Variants in BCAS3 observed in about 807,000 individuals in gnomAD.
The protein encoded by BCAS3 is BCAS4/BCAS3 fusion.
In BCAS3, 53 loss-of-function variants were observed where a neutral mutation model predicts 116.1. The observed-to-expected ratio is 0.46, with a 90% CI of 0.37 to 0.57. The LOEUF is 0.57. BCAS3 is among the 20% of genes least tolerant of loss of function. BCAS3 has a pLI of 0.00. For synonymous variants in BCAS3, 391 were observed against 408.2 expected (o/e 0.96, Z 0.51); for missense variants, 917 against 1,165.4 (o/e 0.79, Z 3.10).
At position 60,679,610 on chromosome 17, in the gene BCAS3, T is replaced by C. The variant is rs148962787; in HGVS notation, c.83+70T>C. ...TCAGAATACTAACATTTAGGTTTTC[T>C]TTATGAACAGTGGTTACTTTTGTAA... On this transcript the variant is annotated intron_variant, in intron 2 of 23. Transcript: ENST00000407086. 152 of 1,261,028 alleles carry C rather than the reference T, an allele frequency of 1.2e-4. No individual in the cohort carries two copies. The East Asian group carries it at 2.9e-3, about 24-fold the overall frequency. 78.1% of individuals were successfully genotyped at this position (1,261,028 alleles called of 1,614,324 possible).
chr17:60,929,307 C>T (rs762905529), intron 13 of BCAS3, among the ~76,000 whole-genome samples: 118 of 152,034 alleles, frequency 7.8e-4, no homozygotes, highest in Admixed American at 1.4e-3. Context: ...TGCCTGTAGT[C>T]CCAGCTACTT....
intron 6 of BCAS3, among the ~76,000 whole-genome samples, chr17:60,789,597 C>T (rs572524842): frequency 6.6e-6 from 1 of 152,288 alleles, no homozygotes. Flanking sequence ...ATGGATTTGG[C>T]TAGCCGCTTT....
intron 19 of BCAS3, among the ~76,000 whole-genome samples, chr17:61,064,604 G>A (rs901298410): frequency 1.3e-5 from 2 of 152,100 alleles, no homozygotes; most frequent in African/African-American, 2.4e-5. Flanking sequence ...AAGGAGATGG[G>A]GAGAAAAGAT....
chr17:60,733,807 A>G (rs1034083152), intron 5 of BCAS3, among the ~76,000 whole-genome samples: 2 of 152,196 alleles, frequency 1.3e-5, no homozygotes, highest in African/African-American at 4.8e-5. Context: ...TGATCACGCC[A>G]CTGCACTCCA....
intron 22 of BCAS3, among the ~76,000 whole-genome samples, chr17:61,236,319 T>C (rs1054867156): frequency 2.6e-5 from 4 of 152,212 alleles, no homozygotes; most frequent in Admixed American, 2.0e-4. Context: ...TTCGTTACTT[T>C]AACAACATTT....
At chr17:60,854,683 A>C (rs2053498561) in intron 7 of BCAS3, among the ~76,000 whole-genome samples, 1 of 152,206 alleles carries the variant, frequency 6.6e-6, no homozygotes. Flanking sequence ...ATCATTAAAA[A>C]GTCAGGAAAC....
At chr17:60,795,451 A>T (rs905958346) in intron 6 of BCAS3, among the ~76,000 whole-genome samples, 4 of 152,048 alleles carry the variant, frequency 2.6e-5, no homozygotes, top group African/African-American at 9.7e-5. Context: ...TTCCAGTACT[A>T]TGTTGAAGAG....
intron 22 of BCAS3, among the ~76,000 whole-genome samples, chr17:61,117,339 T>C (rs1003625552): frequency 6.6e-6 from 1 of 152,206 alleles, no homozygotes; most frequent in Non-Finnish European, 1.5e-5. Flanking sequence ...ACACTTGTAA[T>C]CCAAGCACTC....
intron 8 of BCAS3, 125 bp downstream of exon 8, chr17:60,868,808 G>T: frequency 1.9e-6 from 1 of 535,522 alleles, no homozygotes. Context: ...AACACCTTCT[G>T]AATTCTGTTC....
chr17:60,863,403 T>A (rs1035974752), intron 7 of BCAS3, among the ~76,000 whole-genome samples: 2 of 152,064 alleles, frequency 1.3e-5, no homozygotes, highest in African/African-American at 4.8e-5. Context: ...ATAAGGCAAA[T>A]TCCATAATAA....
chr17:61,368,763 C>G lies in BCAS3; in HGVS notation c.2593+269C>G, dbSNP rs554342107. The stretch of plus-strand genomic sequence containing the variant: ...TGTGCAAGTGGCTCCCAGAAGGACA[C>G]TTTCCTCCTTTGGGGGTGTCCCCAC... On this transcript the variant is annotated intron_variant, in intron 23 of 23. Transcript: ENST00000407086. This position sits in a 1 kb window ranked among gnomAD's most constrained non-coding sequence, Gnocchi z 6.0. 2.2e-4 allele frequency among the ~76,000 whole-genome samples: 34 copies of G among 152,360 alleles called. No homozygotes were observed. The South Asian group carries it at 5.0e-3, about 22-fold the overall frequency.
intron 5 of BCAS3, chr17:60,727,522 G>A: frequency 7.3e-7 from 1 of 1,377,090 alleles, no homozygotes; most frequent in South Asian, 1.7e-5. Context: ...ATGAAAACGA[G>A]AAATGGCATC....
chr17:60,803,693 T>C (rs1399558856), intron 6 of BCAS3, among the ~76,000 whole-genome samples: 2 of 152,040 alleles, frequency 1.3e-5, no homozygotes, highest in African/African-American at 4.8e-5. Flanking sequence ...GGGAAATTTA[T>C]ATATTCACAT....
intron 15 of BCAS3, among the ~76,000 whole-genome samples, chr17:61,009,157 A>G (rs548110705): frequency 5.3e-5 from 8 of 152,172 alleles, no homozygotes; most frequent in African/African-American, 1.9e-4. Context: ...TGTGGTAAGA[A>G]TAAGTGGGAT....
chr17:61,141,050 A>ATTCACCTGTACAGCGGGACTAGGCTGG lies in BCAS3; in HGVS notation c.2425+56491_2425+56517dup. On this transcript the variant is annotated intron_variant, in intron 22 of 23. Coordinates refer to ENST00000407086, the MANE Select transcript of BCAS3 (RefSeq NM_017679.5). The surrounding 1 kb of genome is among the most constrained non-coding windows in gnomAD (Gnocchi z 4.3). ...TTCATTATCATGTCTCTTTATCCTG[A>ATTCACCTGTACAGCGGGACTAGGCTGG]TTCACCTGTACAGCGGGACTAGGCT... Among the ~76,000 whole-genome samples the ATTCACCTGTACAGCGGGACTAGGCTGG allele has an allele frequency of 6.6e-6, 1 of 151,882 alleles. No individual in the cohort carries two copies. The highest frequency in any genetic ancestry group is 1.5e-5 in the Non-Finnish European group (1 of 67,976).
At chr17:61,271,124 CTTTTTTTTTT>C (rs1198682844) in intron 22 of BCAS3, among the ~76,000 whole-genome samples, 19 of 107,126 alleles carry the variant, frequency 1.8e-4, no homozygotes, top group Non-Finnish European at 2.5e-4. Flanking sequence ...AACTTTTATT[CTTTTTTTTTT>C]TTTTTTTTTT....
At chr17:60,792,290 G>A (rs1235969723) in intron 6 of BCAS3, among the ~76,000 whole-genome samples, 2 of 152,228 alleles carry the variant, frequency 1.3e-5, no homozygotes, top group Non-Finnish European at 2.9e-5. Flanking sequence ...AGTTGGCAGG[G>A]CAGGAGCTTC....
At chr17:60,783,552 G>T (rs145089304) in intron 6 of BCAS3, among the ~76,000 whole-genome samples, 1 of 152,182 alleles carries the variant, frequency 6.6e-6, no homozygotes, top group East Asian at 1.9e-4. Flanking sequence ...GTGTGGCAGG[G>T]GCTATGTGAG....
chr17:61,268,915 T>C (rs558105021), intron 22 of BCAS3, among the ~76,000 whole-genome samples: 17 of 152,234 alleles, frequency 1.1e-4, no homozygotes, highest in Non-Finnish European at 2.1e-4. Context: ...TCAAGAGTCA[T>C]CCATGTTGTA....
Sources: allele counts gnomAD v4.1 joint callset (sites outside exome capture counted in the v4.1 genomes callset), GRCh38; gene constraint gnomAD v4.1.1; non-coding constraint Gnocchi (gnomAD v3.1); transcripts MANE v1.5; gene names NCBI Gene and HGNC (gene_info 2026-07-23, HGNC 2026-07-21).